STK40: variants seen among roughly 807,000 people sequenced by gnomAD.
STK40 encodes serine/threonine-protein kinase 40.
In STK40, 13 loss-of-function variants were observed where a neutral mutation model predicts 47.9. The ratio of observed to expected loss-of-function variants is 0.27; its 90% CI spans 0.18 to 0.43. The LOEUF (loss-of-function observed/expected upper bound fraction) is 0.43, where lower values mean the gene tolerates loss of function less well. STK40 is among the 20% of genes least tolerant of loss of function. STK40 has a pLI of 1.00. For synonymous variants in STK40, 225 were observed against 243.2 expected (o/e 0.93, Z 0.69); for missense variants, 460 against 595.1 (o/e 0.77, Z 2.36).
chr1:36,373,753 T>C (rs573261066), intron 1 of STK40, among the ~76,000 whole-genome samples: 1 of 152,354 alleles, frequency 6.6e-6, no homozygotes, highest in South Asian at 2.1e-4. Flanking sequence ...GCAGGACATG[T>C]ATAGCTCCAA....
At position 36,355,216 on chromosome 1, in the gene STK40, G is replaced by A. The variant is rs779956813; in HGVS notation, c.560C>T (p.Ala187Val). Residue 187 changes from alanine (A) to valine (V), a missense_variant, in exon 5 of 11, where the codon GCC (alanine) becomes GTC (valine). Ala to Val is a moderately conservative substitution (Grantham distance 64, BLOSUM62 0). Coordinates refer to ENST00000373132, the MANE Select transcript of STK40 (RefSeq NM_001282547.2). ...IFYDVVRVVE[A>V]LHQKNIVHRD... ...AGGGTGTGGCCTCACCTGGTGCAGG[G>A]CCTCCACCACGCGGACCACGTCGTA... 6.2e-7 allele frequency: 1 copy of A among 1,613,662 alleles called. No individual in the cohort carries two copies. Among genetic ancestry groups the A allele is most frequent in the Non-Finnish European group, 8.5e-7 (1 of 1,179,908 alleles).
At chr1:36,363,640 A>G (rs1646873911) in intron 1 of STK40, among the ~76,000 whole-genome samples, 1 of 149,000 alleles carries the variant, frequency 6.7e-6, no homozygotes, top group Non-Finnish European at 1.5e-5. Flanking sequence ...CCCCGTCTCT[A>G]CTAAAAATAC....
At position 36,341,428 on chromosome 1, in the gene STK40, T is replaced by G; in HGVS notation, c.*327A>C. 3.7e-6 allele frequency: 1 copy of G among 268,420 alleles called. No individual in the cohort carries two copies. The highest frequency in any genetic ancestry group is 7.3e-6 in the Non-Finnish European group (1 of 136,450). The allele number at this position is 268,420 out of a possible 1,614,324, so 16.6% of individuals were successfully genotyped here. Reference sequence around the variant, plus strand: ...GTGGCCGCTGGGGAAGGCCCTGGAGTGGGGTGAGCAGGCTCCCTCCTCCCT... The same window carrying G: ...GTGGCCGCTGGGGAAGGCCCTGGAGGGGGGTGAGCAGGCTCCCTCCTCCCT... On this transcript the variant is annotated 3_prime_UTR_variant, in exon 11 of 11. Coordinates refer to ENST00000373132, the MANE Select transcript of STK40 (RefSeq NM_001282547.2).
Position 36,355,347 on chromosome 1 carries a change from GCAGTC to G in STK40, c.424_428del (p.Asp142ProfsTer5). On this transcript the variant is annotated frameshift_variant, in exon 5 of 11. Coordinates refer to ENST00000373132, the MANE Select transcript of STK40 (RefSeq NM_001282547.2). LOFTEE classifies it high-confidence loss of function. ...TATCGCTGAAGTCATGAGCACAGAG[GCAGTC>G]CAGGACGAGGCAGATGCGCTTCTTC... 1 of 1,614,182 alleles carries G rather than the reference GCAGTC, an allele frequency of 6.2e-7. No homozygotes were observed. The highest frequency in any genetic ancestry group is 8.5e-7 in the Non-Finnish European group (1 of 1,180,036).
intron 1 of STK40, chr1:36,367,895 C>G: frequency 4.1e-6 from 4 of 985,496 alleles, no homozygotes; most frequent in Non-Finnish European, 4.8e-6. Context: ...AGTCCGCCAG[C>G]CTCCCTGAAT....
chr1:36,358,558 A>C (rs966858751), intron 3 of STK40, among the ~76,000 whole-genome samples, 176 bp from the exon 4 acceptor site: 1 of 152,240 alleles, frequency 6.6e-6, no homozygotes, highest in African/African-American at 2.4e-5. Context: ...ATTTATGCAC[A>C]GACAAAACTC....
intron 1 of STK40, among the ~76,000 whole-genome samples, chr1:36,367,171 C>CA (rs1646909982): frequency 6.6e-6 from 1 of 152,032 alleles, no homozygotes; most frequent in Non-Finnish European, 1.5e-5. Context: ...TCTATCCTCA[C>CA]AAGTCAGCAC....
rs574346296 is a variant in STK40 at position 36,344,400 on chromosome 1, C to T, written c.740-136G>A. On this transcript the variant is annotated intron_variant, in intron 7 of 10. Transcript: ENST00000373132. ...CAGAGTCGTCCTCTGAGCTCCTGCCCGTGCTCCCCGCTCCCCTGTTCCTCA... is the reference window on the plus strand; with the variant it reads ...CAGAGTCGTCCTCTGAGCTCCTGCCTGTGCTCCCCGCTCCCCTGTTCCTCA... 1.5e-4 allele frequency: 174 copies of T among 1,163,336 alleles called. No homozygotes were observed. In the African/African-American group the frequency reaches 2.3e-3, roughly 15 times the overall value. 72.1% of individuals were successfully genotyped at this position (1,163,336 alleles called of 1,614,324 possible). A position where few individuals can be genotyped will look rare whatever the true frequency, so the allele number is the denominator to read the frequency against.
chr1:36,358,906 C>A, intron 2 of STK40, 84 bp from the exon 3 acceptor site: 1 of 1,497,978 alleles, frequency 6.7e-7, no homozygotes, highest in Non-Finnish European at 9.2e-7. Context: ...TTTACTAGAC[C>A]TTCTATTCAG....
chr1:36,344,343 C>A, intron 7 of STK40, 79 bp from the exon 8 acceptor site: 2 of 1,487,060 alleles, frequency 1.3e-6, no homozygotes, highest in Non-Finnish European at 1.8e-6. Context: ...CACCTGGGAC[C>A]CTCCACCTGC....
At chr1:36,349,630 T>C (rs1646732988) in intron 6 of STK40, among the ~76,000 whole-genome samples, 1 of 152,228 alleles carries the variant, frequency 6.6e-6, no homozygotes, top group African/African-American at 2.4e-5. Flanking sequence ...GACTCTGCCC[T>C]GGCTAGAACA....
chr1:36,366,795 C>T (rs533531620), intron 1 of STK40, among the ~76,000 whole-genome samples: 50 of 151,982 alleles, frequency 3.3e-4, no homozygotes, highest in African/African-American at 1.2e-3. Context: ...TAGCAGTCTC[C>T]GGAGCTTTGA....
intron 1 of STK40, among the ~76,000 whole-genome samples, chr1:36,378,582 C>A (rs955790453): frequency 1.3e-5 from 2 of 152,098 alleles, no homozygotes; most frequent in Non-Finnish European, 2.9e-5. Flanking sequence ...CCTCAGCCTC[C>A]TGAGTAGCTG....
chr1:36,341,607 C>T lies in STK40; in HGVS notation c.*148G>A. 1 of 898,922 alleles carries T rather than the reference C, an allele frequency of 1.1e-6. No homozygotes were observed. Among genetic ancestry groups the T allele is most frequent in the African/African-American group, 1.7e-5 (1 of 59,962 alleles). 55.7% of individuals were successfully genotyped at this position (898,922 alleles called of 1,614,324 possible). A position where few individuals can be genotyped will look rare whatever the true frequency, so the allele number is the denominator to read the frequency against. ...TAGCTTCGTGGTACCTCTGCTGACC[C>T]CACGTGTGACCTGGGCTGTCCCTGT... On this transcript the variant is annotated 3_prime_UTR_variant, in exon 11 of 11. Transcript: ENST00000373132.
In STK40 at chr1:36,348,671, G is replaced by C. The variant is rs770931321; in HGVS notation, c.739+29C>G. The C allele has an allele frequency of 6.4e-6, 10 of 1,567,546 alleles. No homozygotes were observed. In the South Asian group the frequency reaches 1.2e-4, roughly 18 times the overall value. On this transcript the variant is annotated intron_variant, in intron 7 of 10. Transcript: ENST00000373132. ...ACAGAGCCTGGCTGTATTGAGCTTA[G>C]AGGCCCAATGTCTGGCACACACACG... is the stretch of plus-strand genomic sequence containing the variant.
At position 36,355,406 on chromosome 1, in the gene STK40, T is replaced by C; in HGVS notation, c.370A>G (p.Thr124Ala). ...QDRTCEIVED[T>A]ESSRMVKKMK... Reference sequence around the variant, plus strand: ...TTCTTAACCATCCGGCTGGATTCTGTGTCCTCAACGATTTCACAGGTGCGG... The same window carrying C: ...TTCTTAACCATCCGGCTGGATTCTGCGTCCTCAACGATTTCACAGGTGCGG... The change falls in exon 5 of 11, where the codon ACA becomes GCA. Residue 124 changes from threonine (T) to alanine (A), a missense_variant. Physicochemically the swap from Thr to Ala is moderately conservative, Grantham distance 58. Transcript: ENST00000373132. The C allele has an allele frequency of 2.5e-6, 4 of 1,614,172 alleles. No individual in the cohort carries two copies. The highest frequency in any genetic ancestry group is 3.4e-6 in the Non-Finnish European group (4 of 1,180,026).
chr1:36,343,531 G>C (rs1366731679), intron 9 of STK40, 83 bp from the exon 10 acceptor site: 14 of 1,330,982 alleles, frequency 1.1e-5, no homozygotes, highest in Non-Finnish European at 1.5e-5. Flanking sequence ...AGACACACCT[G>C]GGTTGTGTTC....
At chr1:36,355,752 A>G (rs534469356) in intron 4 of STK40, among the ~76,000 whole-genome samples, 3 of 152,356 alleles carry the variant, frequency 2.0e-5, no homozygotes, top group African/African-American at 7.2e-5. Flanking sequence ...GGGCCCTCTT[A>G]GCCCAGTGCT....
intron 7 of STK40, 66 bp downstream of exon 7, chr1:36,348,634 G>T: frequency 6.8e-7 from 1 of 1,480,702 alleles, no homozygotes; most frequent in Non-Finnish European, 9.2e-7. Context: ...CAAATTTGCT[G>T]AGTGGACTGT....
Sources: allele counts gnomAD v4.1 joint callset (sites outside exome capture counted in the v4.1 genomes callset), GRCh38; gene constraint gnomAD v4.1.1; transcripts MANE v1.5; gene names NCBI Gene and HGNC (gene_info 2026-07-23, HGNC 2026-07-21).